ANK3: variants seen among roughly 807,000 people sequenced by gnomAD.
ANK3 encodes ankyrin 3.
A neutral mutation model predicts 370.9 loss-of-function variants in ANK3; 57 were observed. The ratio of observed to expected loss-of-function variants is 0.15; its 90% CI spans 0.12 to 0.19. ANK3 has a LOEUF of 0.19. Ranked by LOEUF, ANK3 falls within the 10% of genes least tolerant of loss-of-function variation. The probability of loss-of-function intolerance (pLI) is 1.00; values close to 1 mark genes in which losing one functional copy is unlikely to be tolerated. For missense variants in ANK3, 4,439 were observed against 5,302.1 expected, an observed-to-expected ratio of 0.84 and a Z score of 5.06; for synonymous variants, 1,929 against 1,946.3, an observed-to-expected ratio of 0.99 and a Z score of 0.23.
At chr10:60,442,115 A>G (rs1276700036) in intron 2 of ANK3, among the ~76,000 whole-genome samples, 2 of 96,614 alleles carry the variant, frequency 2.1e-5, no homozygotes, top group African/African-American at 9.0e-5. Flanking sequence ...TTTTTTTTTG[A>G]GATGGAATCT....
chr10:60,343,609 C>G (rs1361151679), intron 1 of ANK3, among the ~76,000 whole-genome samples: 1 of 152,038 alleles, frequency 6.6e-6, no homozygotes, highest in East Asian at 1.9e-4. Context: ...ATATCTAAAC[C>G]CAGAAATGAT....
intron 12 of ANK3, among the ~76,000 whole-genome samples, chr10:60,200,467 T>G (rs1194886840): frequency 6.6e-6 from 1 of 152,166 alleles, no homozygotes; most frequent in African/African-American, 2.4e-5. Context: ...TGCTGCTCAG[T>G]AACCTACAAT....
chr10:60,235,723 T>C (rs1283919245), intron 7 of ANK3, among the ~76,000 whole-genome samples: 1 of 152,090 alleles, frequency 6.6e-6, no homozygotes, highest in Non-Finnish European at 1.5e-5. Flanking sequence ...GTAGCAGCAA[T>C]ATGAGTTTAA....
At chr10:60,089,799 T>C (rs1447861172) in intron 28 of ANK3, among the ~76,000 whole-genome samples, 1 of 152,028 alleles carries the variant, frequency 6.6e-6, no homozygotes, top group African/African-American at 2.4e-5. Flanking sequence ...AGTTTAAATA[T>C]GTATACTGAA....
At chr10:60,263,651 C>T (rs898494187) in intron 6 of ANK3, among the ~76,000 whole-genome samples, 184 bp downstream of exon 6, 1 of 152,152 alleles carries the variant, frequency 6.6e-6, no homozygotes, top group Non-Finnish European at 1.5e-5. Context: ...TTCCCCTCAC[C>T]CCCCAACTTC....
chr10:60,443,289 A>ATG (rs140087456), intron 2 of ANK3, among the ~76,000 whole-genome samples: 5 of 151,814 alleles, frequency 3.3e-5, no homozygotes, highest in Non-Finnish European at 4.4e-5. Flanking sequence ...TTAGAATAAA[A>ATG]TGTGTGTGTG....
intron 2 of ANK3, among the ~76,000 whole-genome samples, chr10:60,477,007 C>CA (rs1320884333): frequency 6.6e-6 from 1 of 151,922 alleles, no homozygotes; most frequent in Admixed American, 6.6e-5. Context: ...AGAAAGCCTG[C>CA]AAAAAAATCT....
At chr10:60,693,672 G>C (rs1435302286) in intron 1 of ANK3, among the ~76,000 whole-genome samples, 1 of 152,168 alleles carries the variant, frequency 6.6e-6, no homozygotes, top group Non-Finnish European at 1.5e-5. Context: ...TACTCCAACA[G>C]ACCTGCAGCT....
At chr10:60,079,776 A>C (rs1242281872) in intron 36 of ANK3, among the ~76,000 whole-genome samples, 2 of 152,144 alleles carry the variant, frequency 1.3e-5, no homozygotes, top group African/African-American at 4.8e-5. Flanking sequence ...AGAGATCACC[A>C]GAGGTGATGA....
At chr10:60,051,667 T>C (rs80031607) in intron 42 of ANK3, 74 of 345,334 alleles carry the variant, frequency 2.1e-4, no homozygotes, top group Middle Eastern at 1.5e-3. Flanking sequence ...TTTTCTTCTT[T>C]TTTTTTTTTT....
At chr10:60,535,208 C>T (rs535900603) in intron 2 of ANK3, among the ~76,000 whole-genome samples, 10 of 152,132 alleles carry the variant, frequency 6.6e-5, no homozygotes, top group Admixed American at 1.3e-4. Flanking sequence ...CTAATGTTTG[C>T]GGTTTCACAG....
At position 60,032,194 on chromosome 10, in the gene ANK3, C is replaced by CTTTTTTTTTTTTTTTTTTTTTTTTTTTT. The variant is rs552219776; in HGVS notation, c.*20-2369_*20-2368insAAAAAAAAAAAAAAAAAAAAAAAAAAAA. ...TTCAGCTATTATAAATACACAGCTT[C>CTTTTTTTTTTTTTTTTTTTTTTTTTTTT]TTTTTTTTTTTTTTTTTTTTTTTTT... On this transcript the variant is annotated intron_variant, in intron 43 of 43. Coordinates refer to ENST00000280772, the MANE Select transcript of ANK3 (RefSeq NM_020987.5). 3.7e-4 allele frequency among the ~76,000 whole-genome samples: 16 copies of CTTTTTTTTTTTTTTTTTTTTTTTTTTTT among 43,112 alleles called. 6 individuals carry two copies. The highest frequency in any genetic ancestry group is 6.8e-4 in the Admixed American group (2 of 2,922). The allele number at this position is 43,112 out of a possible 152,430, so 28.3% of individuals were successfully genotyped here.
In ANK3 at chr10:60,064,283, C is replaced by T; in HGVS notation, c.12325G>A (p.Ala4109Thr). The T allele has an allele frequency of 6.4e-7, 1 of 1,565,948 alleles. No individual in the cohort carries two copies. Among genetic ancestry groups the T allele is most frequent in the Non-Finnish European group, 8.6e-7 (1 of 1,165,882 alleles). Reference sequence around the variant, plus strand: ...TCCACTGAAAAATTCAGTTCCCTTGCCAGTTCTGTAGAAAAGAAAGAGAGT... The same window carrying T: ...TCCACTGAAAAATTCAGTTCCCTTGTCAGTTCTGTAGAAAAGAAAGAGAGT... ...DHLGLSWTEL[A>T]RELNFSVDEI... Residue 4109 changes from alanine to threonine, a missense_variant, in exon 39 of 44, where the codon GCA (alanine) becomes ACA (threonine). By Grantham distance (58) the Ala-to-Thr change is moderately conservative (BLOSUM62 0). Transcript: ENST00000280772.
At chr10:60,464,900 T>C (rs2064974241) in intron 2 of ANK3, among the ~76,000 whole-genome samples, 1 of 152,170 alleles carries the variant, frequency 6.6e-6, no homozygotes. Flanking sequence ...AGCCACACCC[T>C]TAGGCCTTCC....
At chr10:60,225,900 TTTAG>T (rs1592031671) in intron 8 of ANK3, among the ~76,000 whole-genome samples, 2 of 151,344 alleles carry the variant, frequency 1.3e-5, no homozygotes, top group Non-Finnish European at 2.9e-5. Flanking sequence ...TTCTGATTTT[TTTAG>T]TTAATTTTTT....
At chr10:60,408,717 C>T (rs1363847168) in intron 2 of ANK3, among the ~76,000 whole-genome samples, 1 of 152,182 alleles carries the variant, frequency 6.6e-6, no homozygotes, top group Non-Finnish European at 1.5e-5. Flanking sequence ...GACCAAAGTG[C>T]TATCTCAAGA....
At chr10:60,083,003 T>C (rs1188953965) in intron 33 of ANK3, among the ~76,000 whole-genome samples, 4 of 152,164 alleles carry the variant, frequency 2.6e-5, no homozygotes, top group Non-Finnish European at 4.4e-5. Flanking sequence ...TATGTGCATT[T>C]TCCTTCTAAC....
rs748867182 is a variant in ANK3, at chr10:60,070,427, G to A, written c.10454C>T (p.Ser3485Phe). ...CTTATCAGGAGTCTTTTCAGATGAA[G>A]AACTTTTAGAAGGTGGCTTGTCCTC... ...PDEDKPPSKS[S>F]SSEKTPDKTD... The change falls in exon 37 of 44, where the codon TCT becomes TTT. Residue 3485 changes from serine to phenylalanine, a missense_variant. Around this residue, in one of 13 missense-constraint regions of ANK3, gnomAD observed 1,601 missense variants for 1,731.7 expected, o/e 0.92. Coordinates refer to ENST00000280772, the MANE Select transcript of ANK3 (RefSeq NM_020987.5). The surrounding 1 kb of genome is among the most constrained non-coding windows in gnomAD (Gnocchi z 5.7). 5 of 1,613,976 alleles carry A rather than the reference G, an allele frequency of 3.1e-6. No homozygotes were observed. The African/African-American group carries it at 6.7e-5, about 22-fold the overall frequency.
rs5785442 is a variant in ANK3, at chr10:60,382,797, C to CTATATA, written c.114+6622_114+6627dup. Reference sequence around the variant, plus strand: ...TTCGATATTTAACCTATACCTAAATCTATATATATATATATATATATATAT... The same window carrying CTATATA: ...TTCGATATTTAACCTATACCTAAATCTATATATATATATATATATATATATATATAT... On this transcript the variant is annotated intron_variant, in intron 1 of 43. Transcript: ENST00000280772. Among the ~76,000 whole-genome samples the CTATATA allele has an allele frequency of 6.9e-3, 923 of 133,702 alleles. 13 individuals are homozygous for CTATATA. The highest frequency in any genetic ancestry group is 0.016 in the African/African-American group (598 of 36,414). The allele number at this position is 133,702 out of a possible 152,430, so 87.7% of individuals were successfully genotyped here. A position where few individuals can be genotyped will look rare whatever the true frequency, so the allele number is the denominator to read the frequency against.
Sources: gnomAD v4.1 joint callset for allele counts (sites outside exome capture counted in the v4.1 genomes callset) on GRCh38, gnomAD v4.1.1 for gene constraint, gnomAD v4.1.1 regional missense constraint, Gnocchi (gnomAD v3.1) non-coding constraint, MANE v1.5 for transcripts, NCBI Gene and HGNC (gene_info 2026-07-23, HGNC 2026-07-21) for gene names.